The following NR6A1 variants were observed in gnomAD, a reference collection of about 807,000 sequenced individuals.
NR6A1 encodes retinoic acid receptor-related testis-associated receptor.
NR6A1 carries 7 observed loss-of-function variants against 59.1 expected under a neutral mutation model. The ratio of observed to expected loss-of-function variants is 0.12; its 90% confidence interval spans 0.07 to 0.22. The LOEUF (loss-of-function observed/expected upper bound fraction) is 0.22. Ranked by LOEUF, NR6A1 falls within the 10% of genes least tolerant of loss-of-function variation. The pLI is 1.00. For synonymous variants in NR6A1, 243 were observed against 236.1 expected (o/e 1.03, Z -0.27); for missense variants, 468 against 611.6 (o/e 0.77, Z 2.48).
intron 7 of NR6A1, 69 bp downstream of exon 7, chr9:124,535,809 C>T: frequency 6.3e-7 from 1 of 1,576,574 alleles, no homozygotes; most frequent in East Asian, 2.2e-5. Context: ...AAGGGCCAGG[C>T]AACTCTGCCT....
At chr9:124,549,484 G>GA (rs1238369002) in intron 3 of NR6A1, among the ~76,000 whole-genome samples, 1 of 152,182 alleles carries the variant, frequency 6.6e-6, no homozygotes. Flanking sequence ...CAGTAGTGGG[G>GA]ATGGACAGAC....
chr9:124,527,540 A>G (rs1832974009), intron 7 of NR6A1, among the ~76,000 whole-genome samples: 1 of 152,228 alleles, frequency 6.6e-6, no homozygotes, highest in African/African-American at 2.4e-5. Flanking sequence ...TATCACATTT[A>G]ATTCTCTCAA....
intron 2 of NR6A1, among the ~76,000 whole-genome samples, chr9:124,603,061 C>T (rs1044717017): frequency 2.0e-5 from 3 of 152,198 alleles, no homozygotes; most frequent in Admixed American, 6.5e-5. Context: ...TATTTTAAGA[C>T]TCCATTCTCC....
chr9:124,554,221 A>T (rs1234312859), intron 3 of NR6A1, 107 bp downstream of exon 3: 4 of 1,534,088 alleles, frequency 2.6e-6, no homozygotes, highest in Non-Finnish European at 3.5e-6. Flanking sequence ...ACAAACTATA[A>T]GGCCTGATAT....
chr9:124,534,102 C>T (rs1166439808), intron 7 of NR6A1, among the ~76,000 whole-genome samples: 2 of 137,196 alleles, frequency 1.5e-5, no homozygotes, highest in Admixed American at 7.6e-5. Flanking sequence ...GACGGAGTTT[C>T]GCTCTTGTCG....
At chr9:124,645,247 C>G (rs1836897732) in intron 2 of NR6A1, among the ~76,000 whole-genome samples, 1 of 151,922 alleles carries the variant, frequency 6.6e-6, no homozygotes. Flanking sequence ...AAAAAGAGAA[C>G]AAGGACAACA....
chr9:124,605,712 G>A (rs1835559383), intron 2 of NR6A1, among the ~76,000 whole-genome samples: 1 of 152,192 alleles, frequency 6.6e-6, no homozygotes, highest in Admixed American at 6.5e-5. Flanking sequence ...AATGGAAAAT[G>A]AATGGGTGGA....
chr9:124,553,891 C>T (rs747199588), intron 3 of NR6A1, among the ~76,000 whole-genome samples: 3 of 152,092 alleles, frequency 2.0e-5, no homozygotes, highest in Non-Finnish European at 2.9e-5. Flanking sequence ...CCAATAAATT[C>T]CAAACTCCTC....
intron 2 of NR6A1, among the ~76,000 whole-genome samples, chr9:124,627,882 CTTTTTTTTTTTT>C (rs59874800): frequency 4.7e-4 from 39 of 83,782 alleles, no homozygotes; most frequent in Middle Eastern, 0.011. Context: ...CTGAGATTTT[CTTTTTTTTTTTT>C]TTTTTTTTTT....
At chr9:124,724,808 G>A (rs1398409416) in intron 2 of NR6A1, among the ~76,000 whole-genome samples, 3 of 152,194 alleles carry the variant, frequency 2.0e-5, no homozygotes, top group Non-Finnish European at 4.4e-5. Flanking sequence ...ACTATCAACT[G>A]TTTCCCTTTA....
intron 2 of NR6A1, among the ~76,000 whole-genome samples, chr9:124,712,752 T>C (rs1027624455): frequency 6.6e-6 from 1 of 152,214 alleles, no homozygotes; most frequent in African/African-American, 2.4e-5. Context: ...AATACATCAC[T>C]GACCACATGA....
chr9:124,618,223 T>C (rs563061072), intron 2 of NR6A1, among the ~76,000 whole-genome samples: 1 of 152,166 alleles, frequency 6.6e-6, no homozygotes, highest in African/African-American at 2.4e-5. Flanking sequence ...GGCTCACACT[T>C]GTTATCCCAG....
At chr9:124,579,686 C>A (rs10217209) in intron 2 of NR6A1, among the ~76,000 whole-genome samples, 2,714 of 152,148 alleles carry the variant, frequency 0.018, 83 homozygotes, top group African/African-American at 0.062. Context: ...ATAATATAAT[C>A]ACTATGGAAA....
intron 2 of NR6A1, among the ~76,000 whole-genome samples, chr9:124,565,389 T>C (rs1162252358): frequency 2.0e-5 from 3 of 152,024 alleles, no homozygotes; most frequent in African/African-American, 7.3e-5. Flanking sequence ...ATCGTGCCAC[T>C]GCACTCCAGC....
chr9:124,637,574 ACT>A (rs1246190745), intron 2 of NR6A1, among the ~76,000 whole-genome samples: 1 of 151,914 alleles, frequency 6.6e-6, no homozygotes, highest in Non-Finnish European at 1.5e-5. Context: ...CTGACTCCAA[ACT>A]CTACACCATC....
intron 2 of NR6A1, among the ~76,000 whole-genome samples, chr9:124,617,467 A>G (rs1394313099): frequency 6.6e-6 from 1 of 152,226 alleles, no homozygotes; most frequent in Non-Finnish European, 1.5e-5. Context: ...TTATTTGGCC[A>G]CTACAAATAA....
intron 2 of NR6A1, among the ~76,000 whole-genome samples, chr9:124,652,481 GAATT>G (rs1837135297): frequency 6.6e-6 from 1 of 152,124 alleles, no homozygotes; most frequent in African/African-American, 2.4e-5. Flanking sequence ...ACTGTTATGA[GAATT>G]AATTCAAAAA....
At chr9:124,545,804 A>G (rs1489556547) in intron 3 of NR6A1, among the ~76,000 whole-genome samples, 1 of 152,150 alleles carries the variant, frequency 6.6e-6, no homozygotes, top group Non-Finnish European at 1.5e-5. Context: ...CATCTTGCCA[A>G]TCTCTTGTTC....
intron 2 of NR6A1, among the ~76,000 whole-genome samples, chr9:124,678,468 AC>A (rs766500878): frequency 5.9e-5 from 9 of 152,242 alleles, no homozygotes; most frequent in Non-Finnish European, 1.0e-4. Context: ...TCTGGGGACA[AC>A]TGGAGAACAA....
Sources: gnomAD v4.1 joint callset for allele counts (sites outside exome capture counted in the v4.1 genomes callset) on GRCh38, gnomAD v4.1.1 for gene constraint, MANE v1.5 for transcripts, NCBI Gene and HGNC (gene_info 2026-07-23, HGNC 2026-07-21) for gene names.